NCK2: variants seen among roughly 807,000 people sequenced by gnomAD.
NCK2 encodes cytoplasmic protein NCK2.
A neutral mutation model predicts 33.9 loss-of-function variants in NCK2; 16 were observed. That is an observed-to-expected ratio of 0.47 (90% CI 0.32 to 0.72). The LOEUF is 0.72. NCK2 is among the 30% of genes least tolerant of loss of function. NCK2 has a pLI of 0.03. For missense variants in NCK2, 418 were observed against 537.3 expected, an observed-to-expected ratio of 0.78 and a Z score of 2.19; for synonymous variants, 273 against 239.9, an observed-to-expected ratio of 1.14 and a Z score of -1.27.
At chr2:105,779,746 G>T (rs1475841198) in intron 1 of NCK2, among the ~76,000 whole-genome samples, 2 of 152,098 alleles carry the variant, frequency 1.3e-5, no homozygotes, top group African/African-American at 2.4e-5. Context: ...GTCAGACCAT[G>T]ATTTAAAACG....
chr2:105,869,443 G>A (rs755910303), intron 3 of NCK2, among the ~76,000 whole-genome samples: 1 of 152,212 alleles, frequency 6.6e-6, no homozygotes, highest in Non-Finnish European at 1.5e-5. Flanking sequence ...TGTAGATGCA[G>A]AGAGATGTTA....
chr2:105,888,663 C>T (rs1236584807), intron 4 of NCK2, among the ~76,000 whole-genome samples: 1 of 152,222 alleles, frequency 6.6e-6, no homozygotes, highest in Non-Finnish European at 1.5e-5. Context: ...GAGCAACTCA[C>T]TTCTAATGAC....
At chr2:105,873,927 A>T (rs1268266183) in intron 3 of NCK2, among the ~76,000 whole-genome samples, 2 of 152,154 alleles carry the variant, frequency 1.3e-5, no homozygotes, top group Admixed American at 6.5e-5. Flanking sequence ...TGACTGTAGC[A>T]AGGGTCCCGG....
intron 1 of NCK2, among the ~76,000 whole-genome samples, chr2:105,815,797 C>T (rs1018370238): frequency 3.9e-5 from 6 of 152,208 alleles, no homozygotes; most frequent in Admixed American, 2.6e-4. Flanking sequence ...TAAACAATAT[C>T]CATGCCCTTT....
At chr2:105,766,088 C>T (rs1262221753) in intron 1 of NCK2, among the ~76,000 whole-genome samples, 1 of 152,076 alleles carries the variant, frequency 6.6e-6, no homozygotes, top group Non-Finnish European at 1.5e-5. Context: ...TAGTAGAAAT[C>T]GCTTTATACT....
At chr2:105,821,004 G>A (rs1437703461) in intron 2 of NCK2, among the ~76,000 whole-genome samples, 1 of 152,228 alleles carries the variant, frequency 6.6e-6, no homozygotes, top group African/African-American at 2.4e-5. Context: ...CAGCAGCTGT[G>A]TTTAACTGAG....
At chr2:105,816,806 T>G (rs1675506602) in intron 2 of NCK2, among the ~76,000 whole-genome samples, 193 bp downstream of exon 2, 1 of 152,154 alleles carries the variant, frequency 6.6e-6, no homozygotes, top group Non-Finnish European at 1.5e-5. Context: ...GTTCTGAGTA[T>G]GTAGCCAGGA....
intron 4 of NCK2, among the ~76,000 whole-genome samples, chr2:105,884,584 T>C (rs1192362684): frequency 6.6e-6 from 1 of 152,176 alleles, no homozygotes; most frequent in Non-Finnish European, 1.5e-5. Context: ...GCAGTGTAAA[T>C]GAGCTAGACC....
intron 1 of NCK2, among the ~76,000 whole-genome samples, chr2:105,797,666 G>T (rs1691131556): frequency 6.6e-6 from 1 of 152,182 alleles, no homozygotes; most frequent in Admixed American, 6.5e-5. Context: ...GGCTGGATTT[G>T]CAGCGACTGT....
chr2:105,848,050 C>A (rs546597547), intron 2 of NCK2, among the ~76,000 whole-genome samples: 2 of 152,310 alleles, frequency 1.3e-5, no homozygotes, highest in Admixed American at 6.5e-5. Context: ...ATTGCACATA[C>A]GTTTTTGAGT....
chr2:105,805,213 T>A (rs964881478), intron 1 of NCK2, among the ~76,000 whole-genome samples: 1 of 152,318 alleles, frequency 6.6e-6, no homozygotes, highest in South Asian at 2.1e-4. Context: ...GAGTTGGATT[T>A]GATTGCACGA....
chr2:105,817,365 A>T (rs1199360440), intron 2 of NCK2, among the ~76,000 whole-genome samples: 1 of 152,182 alleles, frequency 6.6e-6, no homozygotes, highest in Non-Finnish European at 1.5e-5. Flanking sequence ...GTCACTGTGC[A>T]ACAAAAATAT....
chr2:105,792,979 A>G (rs35482041), intron 1 of NCK2, among the ~76,000 whole-genome samples: 30,698 of 152,052 alleles, frequency 0.2, 3,658 homozygotes, highest in South Asian at 0.32. Flanking sequence ...TTTCTCACCA[A>G]CCGAGTCAGC....
intron 1 of NCK2, among the ~76,000 whole-genome samples, chr2:105,759,074 C>G (rs576884066): frequency 6.6e-6 from 1 of 152,212 alleles, no homozygotes; most frequent in Admixed American, 6.5e-5. Context: ...TTTGAATGAA[C>G]TTAATTTGCA....
At position 105,805,631 on chromosome 2, in the gene NCK2, G is replaced by A. The variant is rs1312422463; in HGVS notation, c.-200-10799G>A. On this transcript the variant is annotated intron_variant, in intron 1 of 4. Transcript: ENST00000233154. ...TACCTTCCAGCCCCTGTTAACTACC[G>A]TTCTACTCTCTATTTCCATGAATTT... Among the ~76,000 whole-genome samples the A allele has an allele frequency of 3.3e-5, 5 of 151,828 alleles. 1 individual carries two copies. The highest frequency in any genetic ancestry group is 3.9e-4 in the East Asian group (2 of 5,182).
chr2:105,752,812 C>G (rs1242295567), intron 1 of NCK2, among the ~76,000 whole-genome samples: 1 of 152,216 alleles, frequency 6.6e-6, no homozygotes, highest in Admixed American at 6.5e-5. Context: ...TTTCTTTATC[C>G]AGTCATCTGT....
chr2:105,838,565 A>C (rs13031068), intron 2 of NCK2, among the ~76,000 whole-genome samples: 1,745 of 152,194 alleles, frequency 0.011, 26 homozygotes, highest in African/African-American at 0.039. Flanking sequence ...TATGGCTCCC[A>C]TATGAATAAA....
Position 105,796,610 on chromosome 2 carries a change from T to C in NCK2, c.-200-19820T>C, listed in dbSNP as rs80284711. On this transcript the variant is annotated intron_variant, in intron 1 of 4. Transcript: ENST00000233154. ...AGCCTGGGAGCTGGAAGGCTGGAGATGGTGCTTTTCTTCCTTTTGCATTTG... is the reference window on the plus strand; with the variant it reads ...AGCCTGGGAGCTGGAAGGCTGGAGACGGTGCTTTTCTTCCTTTTGCATTTG... Among the ~76,000 whole-genome samples the C allele has an allele frequency of 4.1e-4, 63 of 152,334 alleles. 1 individual carries two copies. The East Asian group carries it at 0.011, about 27-fold the overall frequency.
rs372369152 is a variant in NCK2, at chr2:105,872,308, T to C, written c.227-9020T>C. On this transcript the variant is annotated intron_variant, in intron 3 of 4. Coordinates refer to ENST00000233154, the MANE Select transcript of NCK2 (RefSeq NM_003581.5). ...CCGCCACCAGGCCTGCCCTGTGCCC[T>C]TGCTGTTCACAGTGTGGCCCTAACA... 5.5e-4 allele frequency among the ~76,000 whole-genome samples: 84 copies of C among 152,314 alleles called. 1 individual carries two copies. The highest frequency in any genetic ancestry group is 2.0e-3 in the African/African-American group (82 of 41,582).
Sources: gnomAD v4.1 joint callset for allele counts (sites outside exome capture counted in the v4.1 genomes callset) on GRCh38, gnomAD v4.1.1 for gene constraint, MANE v1.5 for transcripts, NCBI Gene and HGNC (gene_info 2026-07-23, HGNC 2026-07-21) for gene names.